GFAP: variants seen among roughly 807,000 people sequenced by gnomAD.
GFAP encodes glial fibrillary acidic protein, also known as intermediate filament protein.
In GFAP, 38 loss-of-function variants were observed where a neutral mutation model predicts 49.3. The observed-to-expected ratio is 0.77, with a 90% CI of 0.60 to 1.01. The LOEUF (loss-of-function observed/expected upper bound fraction) is 1.01. Ranked by LOEUF, GFAP falls within the 50% of genes least tolerant of loss-of-function variation. The probability of loss-of-function intolerance (pLI) is 0.00; values close to 1 mark genes in which losing one functional copy is unlikely to be tolerated. For missense variants in GFAP, 463 were observed against 579.1 expected, an observed-to-expected ratio of 0.80 and a Z score of 2.06; for synonymous variants, 222 against 236.4, an observed-to-expected ratio of 0.94 and a Z score of 0.56.
intron 6 of GFAP, 119 bp downstream of exon 6, chr17:44,911,117 T>G: frequency 1.2e-6 from 1 of 869,404 alleles, no homozygotes; most frequent in Non-Finnish European, 1.9e-6. Context: ...GTGCTGGGCA[T>G]TGAGGTGGGA....
intron 7 of GFAP, 54 bp from the exon 8 acceptor site, chr17:44,908,203 C>G: frequency 1.6e-6 from 2 of 1,238,026 alleles, no homozygotes; most frequent in South Asian, 1.2e-5. Context: ...ATGAGCCATC[C>G]TCTCCCATGC....
chr17:44,910,113 C>G, intron 7 of GFAP: 1 of 1,613,868 alleles, frequency 6.2e-7, no homozygotes, highest in East Asian at 2.2e-5. Flanking sequence ...CTGGGCAAAG[C>G]GCCGTGTCTG....
At chr17:44,909,890 C>G (rs1033888705) in intron 7 of GFAP, 2 of 1,348,732 alleles carry the variant, frequency 1.5e-6, no homozygotes, top group Non-Finnish European at 9.5e-7. Context: ...CTCAGAGGCC[C>G]CAGAGCAGCT....
rs1007142515 is a variant in GFAP at position 44,907,199 on chromosome 17, C to T, written c.*148G>A. The stretch of plus-strand genomic sequence containing the variant: ...TACTGACGGAGCCTAGGGCAGCAAG[C>T]TGACCTAGGGACAGAGGAGGGAGGG... On this transcript the variant is annotated 3_prime_UTR_variant, in exon 9 of 9. Transcript: ENST00000588735. The T allele has an allele frequency of 3.4e-5, 26 of 753,796 alleles. No homozygotes were observed. Among genetic ancestry groups the T allele is most frequent in the Middle Eastern group, 3.6e-4 (1 of 2,806 alleles). 46.7% of individuals were successfully genotyped at this position (753,796 alleles called of 1,614,324 possible).
rs1175134299 is a variant in GFAP at position 44,903,825 on chromosome 17, C to A, written c.*3522G>T. On this transcript the variant is annotated 3_prime_UTR_variant, in exon 9 of 9. Transcript: ENST00000588735. ...CTGCCCCTCTGACCCCTGCCTCCTT[C>A]AGGTATGCACCTGGCCCTCACCACT... 1 of 1,547,246 alleles carries A rather than the reference C, an allele frequency of 6.5e-7. No individual in the cohort carries two copies. Among genetic ancestry groups the A allele is most frequent in the African/African-American group, 1.4e-5 (1 of 72,860 alleles).
chr17:44,913,594 T>G (rs543349115), intron 3 of GFAP, 134 bp downstream of exon 3: 1 of 1,042,922 alleles, frequency 9.6e-7, no homozygotes, highest in South Asian at 1.3e-5. Context: ...TTTCATTTCC[T>G]GTCTCTACCT....
chr17:44,906,938 C>T lies in GFAP; in HGVS notation c.*409G>A, dbSNP rs1053461560. 1 of 276,262 alleles carries T rather than the reference C, an allele frequency of 3.6e-6. No individual in the cohort carries two copies. The highest frequency in any genetic ancestry group is 2.2e-5 in the African/African-American group (1 of 46,040). 17.1% of individuals were successfully genotyped at this position (276,262 alleles called of 1,614,324 possible). A position where few individuals can be genotyped will look rare whatever the true frequency, so the allele number is the denominator to read the frequency against. On this transcript the variant is annotated 3_prime_UTR_variant, in exon 9 of 9. Coordinates refer to ENST00000588735, the MANE Select transcript of GFAP (RefSeq NM_002055.5). ...CCAGCAGCCTGAGGAAACTCAAAGG[C>T]ACAGTTCCCAGATACTCCGAGAGAA... is the stretch of plus-strand genomic sequence containing the variant.
rs527743358 is a variant in GFAP, at chr17:44,911,992, T to C, written c.781-195A>G. Among the ~76,000 whole-genome samples the C allele has an allele frequency of 3.3e-5, 5 of 152,296 alleles. No homozygotes were observed. The East Asian group carries it at 7.7e-4, about 24-fold the overall frequency. ...CCTCAGCACCTAGCACAACACCTGG[T>C]CAGCAAGCGAATGAATGAACAGTGC... On this transcript the variant is annotated intron_variant, in intron 4 of 8. Coordinates refer to ENST00000588735, the MANE Select transcript of GFAP (RefSeq NM_002055.5).
chr17:44,908,203 C>T lies in GFAP; in HGVS notation c.1172-54G>A, dbSNP rs535421608. The T allele has an allele frequency of 1.5e-5, 18 of 1,238,026 alleles. 1 individual carries two copies. The highest frequency in any genetic ancestry group is 2.3e-5 in the East Asian group (1 of 42,894). The allele number at this position is 1,238,026 out of a possible 1,614,324, so 76.7% of individuals were successfully genotyped here. A position where few individuals can be genotyped will look rare whatever the true frequency, so the allele number is the denominator to read the frequency against. ...ATGGACTTTCAGGGCATGAGCCATC[C>T]TCTCCCATGCCCGGCTTCCCCATCG... is the stretch of plus-strand genomic sequence containing the variant. On this transcript the variant is annotated intron_variant, in intron 7 of 8. Transcript: ENST00000588735.
chr17:44,907,465 T>G, intron 8 of GFAP, 77 bp from the exon 9 acceptor site: 1 of 1,073,756 alleles, frequency 9.3e-7, no homozygotes, highest in Non-Finnish European at 1.4e-6. Context: ...CACGAGGCTG[T>G]GTAACCTTGG....
Position 44,905,641 on chromosome 17 carries a change from C to G in GFAP, c.*1706G>C, listed in dbSNP as rs1287479933. 6.5e-6 allele frequency: 1 copy of G among 153,708 alleles called. No individual in the cohort carries two copies. Among genetic ancestry groups the G allele is most frequent in the South Asian group, 2.0e-4 (1 of 4,930 alleles). 9.5% of individuals were successfully genotyped at this position (153,708 alleles called of 1,614,324 possible). ...GAGTCCACTCTGGGGAAGGGCGCAGCATTTGTCTTTATTTTTCCTCAGCGA... is the reference window on the plus strand; with the variant it reads ...GAGTCCACTCTGGGGAAGGGCGCAGGATTTGTCTTTATTTTTCCTCAGCGA... On this transcript the variant is annotated 3_prime_UTR_variant, in exon 9 of 9. Coordinates refer to ENST00000588735, the MANE Select transcript of GFAP (RefSeq NM_002055.5).
intron 6 of GFAP, chr17:44,910,916 G>A: frequency 1.6e-6 from 1 of 611,158 alleles, no homozygotes; most frequent in South Asian, 2.0e-5. Flanking sequence ...GGTGAAGAAA[G>A]TTCCAAGGAG....
At position 44,911,722 on chromosome 17, in the gene GFAP, G is replaced by A. The variant is rs373831531; in HGVS notation, c.856C>T (p.Arg286Trp). ...RQAKHEANDYRRQLQSLTCDL... is the reference protein window; with the variant it reads ...RQAKHEANDYWRQLQSLTCDL... ...CAGGTCAAGGACTGCAACTGGCGCC[G>A]GTAGTCGTTGGCTTCGTGCTTGGCC... The change falls in exon 5 of 9, where the codon CGG becomes TGG. Residue 286 changes from arginine to tryptophan, a missense_variant. By Grantham distance (101) the Arg-to-Trp change is moderately radical. Coordinates refer to ENST00000588735, the MANE Select transcript of GFAP (RefSeq NM_002055.5). 11 of 1,613,886 alleles carry A rather than the reference G, an allele frequency of 6.8e-6. No homozygotes were observed. The highest frequency in any genetic ancestry group is 2.2e-5 in the East Asian group (1 of 44,892).
intron 7 of GFAP, chr17:44,910,106 G>T (rs556336350): frequency 4.3e-6 from 7 of 1,613,780 alleles, no homozygotes; most frequent in Non-Finnish European, 5.9e-6. Context: ...TGTCAAGCTG[G>T]GCAAAGCGCC....
rs1425922117 is a variant in GFAP, at chr17:44,910,552, T to G, written c.1171+63A>C. ...TCCTCAGTCCCAGTCTGGAGCAACC[T>G]ACAGGCCCTGGAGGAGGGGGCAGGA... is the stretch of plus-strand genomic sequence containing the variant. On this transcript the variant is annotated intron_variant, in intron 7 of 8. Coordinates refer to ENST00000588735, the MANE Select transcript of GFAP (RefSeq NM_002055.5). The G allele has an allele frequency of 3.9e-6, 6 of 1,554,934 alleles. No homozygotes were observed. The African/African-American group carries it at 8.2e-5, about 21-fold the overall frequency.
chr17:44,911,729 G>A lies in GFAP; in HGVS notation c.849C>T (p.Asn283=). ...ELLRQAKHEA[N]DYRRQLQSLT... ...AGGACTGCAACTGGCGCCGGTAGTC[G>A]TTGGCTTCGTGCTTGGCCTGGCGGA... is the stretch of plus-strand genomic sequence containing the variant. The change falls in exon 5 of 9, where the codon AAC becomes AAT. Residue 283 remains asparagine (N), a synonymous_variant. Transcript: ENST00000588735. 6.2e-7 allele frequency: 1 copy of A among 1,613,978 alleles called. No homozygotes were observed.
At chr17:44,907,556 A>G in intron 8 of GFAP, 168 bp from the exon 9 acceptor site, 1 of 690,122 alleles carries the variant, frequency 1.4e-6, no homozygotes, top group Non-Finnish European at 2.7e-6. Flanking sequence ...GGGTGGTGAG[A>G]TAACACTGGG....
At position 44,911,431 on chromosome 17, in the gene GFAP, C is replaced by T. The variant is rs767380067; in HGVS notation, c.932G>A (p.Arg311His). 6.2e-7 allele frequency: 1 copy of T among 1,610,776 alleles called. No individual in the cohort carries two copies. Among genetic ancestry groups the T allele is most frequent in the Non-Finnish European group, 8.5e-7 (1 of 1,178,816 alleles). ...GTNESLERQM[R>H]EQEERHVREA... is the part of the protein sequence containing the mutation. ...CCGCACGTGCCGCTCCTCCTGCTCG[C>T]GCATCTGCCTCTCCAGGGACTCGTT... Residue 311 changes from arginine (R) to histidine (H), a missense_variant, in exon 6 of 9, where the codon CGC becomes CAC. Arg to His is a conservative substitution (Grantham distance 29). Transcript: ENST00000588735.
At chr17:44,913,660 GTC>G (rs770716078) in intron 3 of GFAP, 66 bp downstream of exon 3, 2 of 1,234,332 alleles carry the variant, frequency 1.6e-6, no homozygotes, top group Admixed American at 3.4e-5. Context: ...CAGCTTCTCT[GTC>G]TCTGTCTCTC....
Sources: allele counts gnomAD v4.1 joint callset (sites outside exome capture counted in the v4.1 genomes callset), GRCh38; gene constraint gnomAD v4.1.1; transcripts MANE v1.5; gene names NCBI Gene and HGNC (gene_info 2026-07-23, HGNC 2026-07-21).